The following SUPT3H variants were observed in gnomAD, a reference collection of about 807,000 sequenced individuals.
SUPT3H encodes the protein transcription initiation protein SPT3 homolog.
SUPT3H carries 44 observed loss-of-function variants against 44.3 expected under a neutral mutation model. The observed-to-expected ratio is 0.99, with a 90% CI of 0.78 to 1.28. The LOEUF is 1.28. Ranked by LOEUF, SUPT3H falls within the 50% of genes most tolerant of loss-of-function variation. The probability of loss-of-function intolerance (pLI) is 0.00; values close to 1 mark genes in which losing one functional copy is unlikely to be tolerated. For missense variants in SUPT3H, 380 were observed against 387.1 expected (o/e 0.98, Z 0.15); for synonymous variants, 124 against 125.6 (o/e 0.99, Z 0.09).
chr6:44,986,027 T>C (rs894892762), intron 6 of SUPT3H, among the ~76,000 whole-genome samples: 4 of 152,162 alleles, frequency 2.6e-5, no homozygotes, highest in African/African-American at 9.7e-5. Context: ...AAACCAAGTA[T>C]GATAAGTCCA....
rs185619745 is a variant in SUPT3H, at chr6:45,111,262, A to G, written c.102-5256T>C. On this transcript the variant is annotated intron_variant, in intron 2 of 10. Coordinates refer to ENST00000371459, the MANE Select transcript of SUPT3H (RefSeq NM_003599.4). ...TGGCCAGGCTGGTCTCGAACTCCTG[A>G]CCTCGTGATCTGCCCACCTCAGCCT... Among the ~76,000 whole-genome samples the G allele has an allele frequency of 5.5e-3, 833 of 152,106 alleles. 9 individuals are homozygous for G. Among genetic ancestry groups the G allele is most frequent in the Non-Finnish European group, 8.1e-3 (550 of 67,984 alleles).
rs372280212 is a variant in SUPT3H, at chr6:45,257,179, T to C, written c.101+108022A>G. ...AAGGTTTTGATTTGCACTTCCCTAA[T>C]GATTAATGACTATAATGGCTTTTTC... On this transcript the variant is annotated intron_variant, in intron 2 of 10. Transcript: ENST00000371459. Among the ~76,000 whole-genome samples the C allele has an allele frequency of 8.5e-5, 13 of 152,328 alleles. No individual in the cohort carries two copies. The East Asian group carries it at 1.5e-3, about 18-fold the overall frequency.
At chr6:45,157,835 C>T (rs1223643387) in intron 2 of SUPT3H, among the ~76,000 whole-genome samples, 2 of 151,530 alleles carry the variant, frequency 1.3e-5, no homozygotes, top group East Asian at 1.9e-4. Context: ...AGTGAGCCAC[C>T]GCACCCGGCC....
At chr6:45,329,336 T>C (rs1026776088) in intron 2 of SUPT3H, among the ~76,000 whole-genome samples, 9 of 152,106 alleles carry the variant, frequency 5.9e-5, no homozygotes, top group African/African-American at 1.2e-4. Flanking sequence ...CTGTATCCTA[T>C]CTAAATAAGT....
At chr6:45,053,740 C>CA (rs57736879) in intron 3 of SUPT3H, among the ~76,000 whole-genome samples, 2,588 of 59,446 alleles carry the variant, frequency 0.044, 37 homozygotes, top group East Asian at 0.15. Flanking sequence ...ACTAAAAATA[C>CA]AAAAAAAAAA....
At chr6:45,048,875 G>A (rs1789835997) in intron 3 of SUPT3H, among the ~76,000 whole-genome samples, 1 of 152,060 alleles carries the variant, frequency 6.6e-6, no homozygotes, top group African/African-American at 2.4e-5. Context: ...TGGTTACCAG[G>A]AGCTGAGGGG....
intron 3 of SUPT3H, chr6:45,099,106 C>T (rs747193664): frequency 2.8e-6 from 1 of 352,836 alleles, no homozygotes; most frequent in Non-Finnish European, 5.6e-6. Flanking sequence ...CAGCCACCAG[C>T]CCCTAGTCTT....
chr6:45,342,978 G>A (rs951160736), intron 2 of SUPT3H, among the ~76,000 whole-genome samples: 1 of 152,122 alleles, frequency 6.6e-6, no homozygotes, highest in African/African-American at 2.4e-5. Flanking sequence ...ACATAACCCT[G>A]AGCAACCAAC....
In SUPT3H at chr6:44,895,662, A is replaced by C. The variant is rs1055261536; in HGVS notation, c.912+36991T>G. On this transcript the variant is annotated intron_variant, in intron 10 of 10. Coordinates refer to ENST00000371459, the MANE Select transcript of SUPT3H (RefSeq NM_003599.4). Reference sequence around the variant, plus strand: ...TTTGTATTGTCTGGGGCTGTGGTTCAGCCTGATGGAATAACTGCAGTGAAG... The same window carrying C: ...TTTGTATTGTCTGGGGCTGTGGTTCCGCCTGATGGAATAACTGCAGTGAAG... 4.1e-4 allele frequency among the ~76,000 whole-genome samples: 63 copies of C among 152,296 alleles called. 1 individual carries two copies. The highest frequency in any genetic ancestry group is 7.3e-5 in the Non-Finnish European group (5 of 68,034).
chr6:45,020,880 A>G (rs1407837852), intron 3 of SUPT3H, among the ~76,000 whole-genome samples: 1 of 151,962 alleles, frequency 6.6e-6, no homozygotes, highest in Non-Finnish European at 1.5e-5. Context: ...CTTTCTTGCA[A>G]AAGAAAAATC....
At chr6:44,909,663 C>T (rs1419832909) in intron 10 of SUPT3H, among the ~76,000 whole-genome samples, 6 of 152,114 alleles carry the variant, frequency 3.9e-5, no homozygotes, top group Non-Finnish European at 1.5e-5. Context: ...CATGCAGGGG[C>T]CTGTTTTTTG....
At chr6:45,222,666 A>C (rs1289984447) in intron 2 of SUPT3H, among the ~76,000 whole-genome samples, 1 of 152,192 alleles carries the variant, frequency 6.6e-6, no homozygotes, top group Non-Finnish European at 1.5e-5. Flanking sequence ...CACAATTACC[A>C]TAATGACACA....
chr6:45,268,852 T>A (rs906124595), intron 2 of SUPT3H, among the ~76,000 whole-genome samples: 1 of 152,188 alleles, frequency 6.6e-6, no homozygotes, highest in Admixed American at 6.6e-5. Flanking sequence ...GTCAAAATTA[T>A]TAAAGATTTA....
chr6:45,181,135 T>C (rs1813089484), intron 2 of SUPT3H, among the ~76,000 whole-genome samples: 1 of 142,904 alleles, frequency 7.0e-6, no homozygotes, highest in Non-Finnish European at 1.5e-5. Context: ...TCGCTGGCCA[T>C]CAGAGAAATG....
At chr6:45,301,335 T>A (rs566621297) in intron 2 of SUPT3H, among the ~76,000 whole-genome samples, 4 of 152,366 alleles carry the variant, frequency 2.6e-5, no homozygotes, top group Admixed American at 2.0e-4. Flanking sequence ...TTATAACTCA[T>A]GCTCTTTTCC....
chr6:45,172,580 TAA>T (rs1266618001), intron 2 of SUPT3H, among the ~76,000 whole-genome samples: 1 of 124,466 alleles, frequency 8.0e-6, no homozygotes, highest in African/African-American at 3.1e-5. Context: ...AATAAATCCT[TAA>T]AGATAGATAT....
chr6:44,849,220 C>CTAATTTTTTT (rs746924269), intron 10 of SUPT3H, among the ~76,000 whole-genome samples: 8 of 96,632 alleles, frequency 8.3e-5, no homozygotes, highest in Non-Finnish European at 9.9e-5. Flanking sequence ...CAAATGAATA[C>CTAATTTTTTT]TTTTTTTTTT....
intron 2 of SUPT3H, among the ~76,000 whole-genome samples, chr6:45,165,846 A>T (rs921299909): frequency 3.3e-5 from 5 of 152,216 alleles, no homozygotes; most frequent in African/African-American, 1.2e-4. Flanking sequence ...CAGAGAACAC[A>T]AGAGCTGTGA....
chr6:45,174,916 G>A (rs190529219), intron 2 of SUPT3H, among the ~76,000 whole-genome samples: 249 of 145,242 alleles, frequency 1.7e-3, no homozygotes, highest in African/African-American at 5.8e-3. Context: ...GGTAAATCAC[G>A]CCTGGAGTCC....
Sources: allele counts gnomAD v4.1 joint callset (sites outside exome capture counted in the v4.1 genomes callset), GRCh38; gene constraint gnomAD v4.1.1; transcripts MANE v1.5; gene names NCBI Gene and HGNC (gene_info 2026-07-23, HGNC 2026-07-21).